PRKG1: variants seen among roughly 807,000 people sequenced by gnomAD.
PRKG1 encodes the protein cGMP-dependent protein kinase 1.
PRKG1 carries 35 observed loss-of-function variants against 88.1 expected under a neutral mutation model. That is an observed-to-expected ratio of 0.40 (90% confidence interval 0.30 to 0.53). The LOEUF is 0.53. PRKG1 is among the 20% of genes least tolerant of loss of function. The pLI is 0.59. For missense variants in PRKG1, 540 were observed against 839.8 expected, an observed-to-expected ratio of 0.64 and a Z score of 4.41; for synonymous variants, 303 against 292.5, an observed-to-expected ratio of 1.04 and a Z score of -0.37.
At chr10:51,863,200 A>C (rs1380202624) in intron 4 of PRKG1, among the ~76,000 whole-genome samples, 3 of 152,146 alleles carry the variant, frequency 2.0e-5, no homozygotes, top group Non-Finnish European at 4.4e-5. Context: ...GGAATTAACC[A>C]GTTAATTAGT....
intron 1 of PRKG1, among the ~76,000 whole-genome samples, chr10:51,090,489 A>T (rs1364206713): frequency 1.3e-5 from 2 of 152,122 alleles, no homozygotes; most frequent in African/African-American, 2.4e-5. Flanking sequence ...AATGTTATTT[A>T]TTTTATTCAA....
intron 4 of PRKG1, among the ~76,000 whole-genome samples, chr10:51,838,414 C>A (rs1840183685): frequency 6.6e-6 from 1 of 152,088 alleles, no homozygotes; most frequent in African/African-American, 2.4e-5. Context: ...GAGAAAAGGG[C>A]AGAAAATCTA....
At position 51,082,792 on chromosome 10, in the gene PRKG1, T is replaced by C. The variant is rs533928017; in HGVS notation, c.311+7891T>C. On this transcript the variant is annotated intron_variant, in intron 1 of 17. Coordinates refer to ENST00000373980, the MANE Select transcript of PRKG1 (RefSeq NM_006258.4). ...GTTTAGTTGATGCCTTCTTGTTTATTCTCCTAAACAAGTGATCATTTCCCT... is the reference window on the plus strand; with the variant it reads ...GTTTAGTTGATGCCTTCTTGTTTATCCTCCTAAACAAGTGATCATTTCCCT... Among the ~76,000 whole-genome samples, 3 of 152,214 alleles carry C rather than the reference T, an allele frequency of 2.0e-5. No individual in the cohort carries two copies. In the South Asian group the frequency reaches 6.2e-4, roughly 32 times the overall value.
intron 1 of PRKG1, among the ~76,000 whole-genome samples, chr10:51,089,631 G>T (rs554523257): frequency 1.3e-5 from 2 of 152,100 alleles, no homozygotes; most frequent in African/African-American, 4.8e-5. Context: ...GCTTATGTGA[G>T]TATCTGAAGT....
At chr10:51,431,168 A>T (rs560222949) in intron 2 of PRKG1, among the ~76,000 whole-genome samples, 1 of 152,324 alleles carries the variant, frequency 6.6e-6, no homozygotes, top group South Asian at 2.1e-4. Context: ...GGACAATGGC[A>T]TTGAGTGAAG....
intron 3 of PRKG1, among the ~76,000 whole-genome samples, chr10:51,504,027 C>T (rs565074061): frequency 6.6e-6 from 1 of 152,086 alleles, no homozygotes; most frequent in East Asian, 1.9e-4. Context: ...ATTACAGATT[C>T]TTTCTTTAGC....
In PRKG1 at chr10:51,495,352, C is replaced by G. The variant is rs541109860; in HGVS notation, c.592+27516C>G. 1.2e-3 allele frequency among the ~76,000 whole-genome samples: 189 copies of G among 152,334 alleles called. 1 individual carries two copies. Among genetic ancestry groups the G allele is most frequent in the Non-Finnish European group, 2.1e-3 (146 of 68,030 alleles). ...TCAAGTGGTCTGCCCGCCTCGGCCTCCCAAAGTGTTGGGATTGCAGGCGTG... is the reference window on the plus strand; with the variant it reads ...TCAAGTGGTCTGCCCGCCTCGGCCTGCCAAAGTGTTGGGATTGCAGGCGTG... On this transcript the variant is annotated intron_variant, in intron 3 of 17. Transcript: ENST00000373980.
At chr10:51,590,062 G>T (rs942966337) in intron 3 of PRKG1, among the ~76,000 whole-genome samples, 2 of 152,168 alleles carry the variant, frequency 1.3e-5, no homozygotes, top group Non-Finnish European at 2.9e-5. Context: ...AAGAGCTTGT[G>T]TTTGTGTGTT....
At chr10:51,782,625 G>A (rs565408612) in intron 3 of PRKG1, among the ~76,000 whole-genome samples, 19 of 152,226 alleles carry the variant, frequency 1.2e-4, no homozygotes, top group African/African-American at 4.6e-4. Context: ...TGTTGTGGGA[G>A]GGACCTGGTG....
chr10:51,990,541 A>C (rs888078987), intron 5 of PRKG1, among the ~76,000 whole-genome samples: 2 of 152,016 alleles, frequency 1.3e-5, no homozygotes, highest in Non-Finnish European at 2.9e-5. Flanking sequence ...TAAATTTTAT[A>C]ATCTTTCAGG....
chr10:51,466,630 T>C (rs1254624704), intron 2 of PRKG1, among the ~76,000 whole-genome samples: 2 of 152,074 alleles, frequency 1.3e-5, no homozygotes, highest in Non-Finnish European at 2.9e-5. Flanking sequence ...ATCAGCACAT[T>C]AAACCTCAGT....
At chr10:51,338,687 A>G (rs1841934966) in intron 2 of PRKG1, among the ~76,000 whole-genome samples, 1 of 152,222 alleles carries the variant, frequency 6.6e-6, no homozygotes, top group African/African-American at 2.4e-5. Context: ...AGTAGTTATC[A>G]TTAGTCTTAA....
intron 3 of PRKG1, among the ~76,000 whole-genome samples, chr10:51,739,861 T>C (rs1837386926): frequency 6.6e-6 from 1 of 152,102 alleles, no homozygotes; most frequent in African/African-American, 2.4e-5. Flanking sequence ...TAGTCCCAGG[T>C]ACTCAGGAGG....
intron 9 of PRKG1, among the ~76,000 whole-genome samples, chr10:52,170,397 A>C (rs1382853014): frequency 1.3e-5 from 2 of 152,228 alleles, no homozygotes; most frequent in Non-Finnish European, 2.9e-5. Context: ...GTAAACAAGA[A>C]AGATGTATCT....
At chr10:51,761,649 T>C (rs1230924355) in intron 3 of PRKG1, among the ~76,000 whole-genome samples, 5 of 152,238 alleles carry the variant, frequency 3.3e-5, no homozygotes. Flanking sequence ...AGAATGAATA[T>C]TATTACTTTT....
chr10:52,143,488 T>C (rs1021326932), intron 8 of PRKG1, among the ~76,000 whole-genome samples: 7 of 152,146 alleles, frequency 4.6e-5, no homozygotes, highest in Admixed American at 2.0e-4. Context: ...CACCCCCTGT[T>C]AGGAAGGATA....
chr10:51,086,964 C>A (rs1484226416), intron 1 of PRKG1, among the ~76,000 whole-genome samples: 1 of 152,156 alleles, frequency 6.6e-6, no homozygotes, highest in East Asian at 1.9e-4. Flanking sequence ...GAGTGAGATT[C>A]TCTGCAAGAT....
At chr10:51,685,760 C>T (rs1384151665) in intron 3 of PRKG1, among the ~76,000 whole-genome samples, 1 of 152,144 alleles carries the variant, frequency 6.6e-6, no homozygotes, top group Non-Finnish European at 1.5e-5. Context: ...GGAGACAGCT[C>T]CTCCTGCTTG....
In PRKG1 at chr10:52,057,683, A is replaced by G. The variant is rs546560181; in HGVS notation, c.840+3122A>G. Among the ~76,000 whole-genome samples, 6 of 152,290 alleles carry G rather than the reference A, an allele frequency of 3.9e-5. No homozygotes were observed. In the South Asian group the frequency reaches 1.2e-3, roughly 32 times the overall value. ...CATTGGAAAAAAATGTGATTCAAAA[A>G]TTCTTGTCTATCAAATGGCATTTAA... is the stretch of plus-strand genomic sequence containing the variant. On this transcript the variant is annotated intron_variant, in intron 6 of 17. Transcript: ENST00000373980.
Sources: gnomAD v4.1 joint callset for allele counts (sites outside exome capture counted in the v4.1 genomes callset) on GRCh38, gnomAD v4.1.1 for gene constraint, MANE v1.5 for transcripts, NCBI Gene and HGNC (gene_info 2026-07-23, HGNC 2026-07-21) for gene names.